Variants in GRIA3 observed in about 807,000 individuals in gnomAD.
The protein encoded by GRIA3 is glutamate receptor 3.
GRIA3 carries 3 observed loss-of-function variants against 63.0 expected under a neutral mutation model. The observed-to-expected ratio is 0.05, with a 90% CI of 0.02 to 0.12. The LOEUF is 0.12. Ranked by LOEUF, GRIA3 falls within the 10% of genes least tolerant of loss-of-function variation. The pLI is 1.00. For synonymous variants in GRIA3, 274 were observed against 257.9 expected, an observed-to-expected ratio of 1.06 and a Z score of -0.60; for missense variants, 347 against 700.9, an observed-to-expected ratio of 0.50 and a Z score of 5.70.
chrX:123,253,617 T>C, intron 3 of GRIA3, 75 bp downstream of exon 3: 1 of 826,805 alleles, frequency 1.2e-6, no homozygotes, highest in South Asian at 2.1e-5. Context: ...TATGTGCCCT[T>C]TGCTTCCAAT....
chrX:123,240,380 G>A (rs1156825839), intron 2 of GRIA3, among the ~76,000 whole-genome samples: 1 of 111,188 alleles, frequency 9.0e-6, no homozygotes, highest in Non-Finnish European at 1.9e-5. Context: ...TTGCTCTTCA[G>A]GCTATTGAGA....
chrX:123,450,260 G>A (rs753639899), intron 12 of GRIA3, among the ~76,000 whole-genome samples: 69 of 111,984 alleles, frequency 6.2e-4, no homozygotes, highest in African/African-American at 2.0e-3. Context: ...CTTTTACCTC[G>A]GAGCATCTTG....
chrX:123,428,945 A>C (rs1415213785), intron 12 of GRIA3, among the ~76,000 whole-genome samples: 2 of 111,954 alleles, frequency 1.8e-5, no homozygotes, highest in African/African-American at 6.5e-5. Flanking sequence ...TAGAGTTTTT[A>C]AGAACTAAAA....
chrX:123,414,489 G>T lies in GRIA3; in HGVS notation c.1501-2913G>T, dbSNP rs190714875. On this transcript the variant is annotated intron_variant, in intron 10 of 15. Transcript: ENST00000620443. Reference sequence around the variant, plus strand: ...GCACAACGTGCAGGTTTGTTACATAGGTATACATGTGCCATGTTGGTTTGC... The same window carrying T: ...GCACAACGTGCAGGTTTGTTACATATGTATACATGTGCCATGTTGGTTTGC... Among the ~76,000 whole-genome samples, 215 of 110,902 alleles carry T rather than the reference G, an allele frequency of 1.9e-3. 2 individuals carry two copies. The highest frequency in any genetic ancestry group is 0.014 in the Middle Eastern group (3 of 213).
intron 13 of GRIA3, among the ~76,000 whole-genome samples, chrX:123,467,139 T>C (rs1421347537): frequency 8.9e-6 from 1 of 112,266 alleles, no homozygotes; most frequent in African/African-American, 3.2e-5. Flanking sequence ...GCAGCAATAG[T>C]ATTCCAAAAA....
intron 2 of GRIA3, chrX:123,204,647 G>C: frequency 9.3e-7 from 1 of 1,075,837 alleles, no homozygotes; most frequent in Non-Finnish European, 1.2e-6. Context: ...GAAATATCAA[G>C]AGAGGTTAAT....
intron 3 of GRIA3, among the ~76,000 whole-genome samples, chrX:123,305,280 C>T (rs1370604806): frequency 8.9e-6 from 1 of 111,767 alleles, no homozygotes; most frequent in African/African-American, 3.3e-5. Context: ...ATTCTAACTA[C>T]TGGAGAGTGA....
intron 8 of GRIA3, 22 bp from the exon 9 acceptor site, chrX:123,403,390 G>A (rs766018514): frequency 9.8e-7 from 1 of 1,020,611 alleles, no homozygotes; most frequent in South Asian, 1.9e-5. Context: ...AGGCATCCAG[G>A]TCAAATGTCT....
intron 3 of GRIA3, among the ~76,000 whole-genome samples, chrX:123,301,421 G>A (rs1400214699): frequency 1.8e-5 from 2 of 111,138 alleles, no homozygotes; most frequent in Non-Finnish European, 3.8e-5. Context: ...GTTATGGAAA[G>A]ACCTTCTTGG....
At chrX:123,394,880 C>A in intron 5 of GRIA3, 88 bp from the exon 6 acceptor site, 1 of 668,625 alleles carries the variant, frequency 1.5e-6, no homozygotes, top group Non-Finnish European at 2.5e-6. Context: ...AGGGAAGGAG[C>A]TTTCACATTA....
At chrX:123,412,154 T>G (rs1297383528) in intron 10 of GRIA3, among the ~76,000 whole-genome samples, 1 of 111,892 alleles carries the variant, frequency 8.9e-6, no homozygotes, top group East Asian at 2.8e-4. Flanking sequence ...GACCTCTCCC[T>G]TTACCTTCTT....
chrX:123,489,472 G>A lies in GRIA3; in HGVS notation c.*762G>A, dbSNP rs2045958386. ...AGAGATTTACAGAGCTTTCGAAATT[G>A]ACTTTGTGTGTAGCAAGGGACGGGG... On this transcript the variant is annotated 3_prime_UTR_variant, in exon 16 of 16. Transcript: ENST00000620443. 1 of 112,494 alleles carries A rather than the reference G, an allele frequency of 8.9e-6. No individual in the cohort carries two copies. Among genetic ancestry groups the A allele is most frequent in the Admixed American group, 9.4e-5 (1 of 10,612 alleles). The allele number at this position is 112,494 out of a possible 1,213,427, so 9.3% of individuals were successfully genotyped here. A position where few individuals can be genotyped will look rare whatever the true frequency, so the allele number is the denominator to read the frequency against.
At chrX:123,425,791 C>T (rs12011562) in intron 11 of GRIA3, among the ~76,000 whole-genome samples, 1 of 111,247 alleles carries the variant, frequency 9.0e-6, no homozygotes, top group Admixed American at 9.6e-5. Flanking sequence ...GAAATAAATA[C>T]GGGTTGTCTC....
intron 10 of GRIA3, among the ~76,000 whole-genome samples, chrX:123,406,943 G>C (rs1481366898): frequency 9.0e-6 from 1 of 111,462 alleles, no homozygotes; most frequent in African/African-American, 3.3e-5. Context: ...CAACACTTAG[G>C]CTTCAAGAGG....
chrX:123,268,526 T>C (rs2044501487), intron 3 of GRIA3, among the ~76,000 whole-genome samples: 1 of 110,358 alleles, frequency 9.1e-6, no homozygotes, highest in African/African-American at 3.3e-5. Flanking sequence ...ATCAGTAAGG[T>C]AGAAACCTTA....
intron 13 of GRIA3, among the ~76,000 whole-genome samples, chrX:123,471,644 G>T (rs2045862962): frequency 9.0e-6 from 1 of 110,772 alleles, no homozygotes; most frequent in Admixed American, 9.6e-5. Flanking sequence ...CAAATCATTT[G>T]GTTTCCTTTC....
intron 12 of GRIA3, among the ~76,000 whole-genome samples, chrX:123,445,768 T>C (rs1181358675): frequency 1.8e-5 from 2 of 112,237 alleles, no homozygotes; most frequent in Non-Finnish European, 3.8e-5. Context: ...CCTTAGTGCA[T>C]TTAGTGCATT....
intron 4 of GRIA3, among the ~76,000 whole-genome samples, chrX:123,342,167 C>T (rs1024827244): frequency 8.9e-6 from 1 of 112,100 alleles, no homozygotes; most frequent in Non-Finnish European, 1.9e-5. Flanking sequence ...TTAACTATGC[C>T]TGCCCCAATC....
chrX:123,447,520 G>C (rs1419801509), intron 12 of GRIA3, among the ~76,000 whole-genome samples: 1 of 111,604 alleles, frequency 9.0e-6, no homozygotes, highest in Non-Finnish European at 1.9e-5. Context: ...TTTTGTTTCT[G>C]TTCGACGGTG....
Sources: gnomAD v4.1 joint callset for allele counts (sites outside exome capture counted in the v4.1 genomes callset) on GRCh38, gnomAD v4.1.1 for gene constraint, MANE v1.5 for transcripts, NCBI Gene and HGNC (gene_info 2026-07-23, HGNC 2026-07-21) for gene names.